Variants in DSE observed in about 807,000 individuals in gnomAD.
DSE encodes dermatan-sulfate epimerase.
In DSE, 36 loss-of-function variants were observed where a neutral mutation model predicts 84.4. The observed-to-expected ratio is 0.43, with a 90% CI of 0.33 to 0.56. The LOEUF is 0.56. DSE is among the 20% of genes least tolerant of loss of function. The probability of loss-of-function intolerance (pLI) is 0.06; values close to 1 mark genes in which losing one functional copy is unlikely to be tolerated. For synonymous variants in DSE, 410 were observed against 430.1 expected (o/e 0.95, Z 0.58); for missense variants, 862 against 1,169.6 (o/e 0.74, Z 3.84).
chr6:116,278,472 A>G, intron 2 of DSE: 1 of 1,612,480 alleles, frequency 6.2e-7, no homozygotes, highest in South Asian at 1.1e-5. Flanking sequence ...GGTCCAGCAG[A>G]AGGTGGTAGG....
intron 2 of DSE, among the ~76,000 whole-genome samples, chr6:116,269,696 A>T (rs545901841): frequency 1.3e-5 from 2 of 152,294 alleles, no homozygotes; most frequent in South Asian, 4.1e-4. Flanking sequence ...GCTTTACCAC[A>T]TTCTTCCACA....
intron 2 of DSE, chr6:116,277,760 G>A (rs1190500374): frequency 6.6e-6 from 1 of 151,968 alleles, no homozygotes; most frequent in African/African-American, 2.4e-5. Context: ...AAATTAGCCG[G>A]GCGTGGCGGC....
rs144183805 is a variant in DSE at position 116,330,201 on chromosome 6, T to C, written c.-53-68997T>C. ...TAAAATATATACTTTATTAATTTATTATTAGCATGATTACATAGTCAAAAT... is the reference window on the plus strand; with the variant it reads ...TAAAATATATACTTTATTAATTTATCATTAGCATGATTACATAGTCAAAAT... On this transcript the variant is annotated intron_variant, in intron 2 of 3. Transcript: ENST00000430252. Among the ~76,000 whole-genome samples, 397 of 152,368 alleles carry C rather than the reference T, an allele frequency of 2.6e-3. 2 individuals carry two copies. The highest frequency in any genetic ancestry group is 0.01 in the Middle Eastern group (3 of 294).
chr6:116,345,473 A>C (rs1048025606), intron 2 of DSE, among the ~76,000 whole-genome samples: 7 of 152,250 alleles, frequency 4.6e-5, no homozygotes, highest in Non-Finnish European at 7.3e-5. Context: ...CTCACTTAAA[A>C]CTGCTCAACT....
intron 2 of DSE, among the ~76,000 whole-genome samples, chr6:116,309,998 A>G (rs2114728273): frequency 6.6e-6 from 1 of 152,350 alleles, no homozygotes; most frequent in Non-Finnish European, 1.5e-5. Context: ...CACATAAGGA[A>G]CATTCAAAAT....
Position 116,436,544 on chromosome 6 carries a change from T to G in DSE, c.2076T>G (p.His692Gln). ...QLDVFIATSK[H>Q]AYATYLWTGE... ...ATGTGTTCATAGCCACCAGCAAACA[T>G]GCCTACGCCACATACCTGTGGACAG... The change falls in exon 6 of 6, where the codon CAT becomes CAG. Residue 692 changes from histidine to glutamine, a missense_variant. His to Gln is a conservative substitution (Grantham distance 24). Coordinates refer to ENST00000644252, the MANE Select transcript of DSE (RefSeq NM_013352.4). The G allele has an allele frequency of 6.2e-7, 1 of 1,614,116 alleles. No individual in the cohort carries two copies. Among genetic ancestry groups the G allele is most frequent in the Middle Eastern group, 1.6e-4 (1 of 6,062 alleles).
chr6:116,312,445 A>G (rs1359341064), intron 2 of DSE, among the ~76,000 whole-genome samples: 1 of 152,220 alleles, frequency 6.6e-6, no homozygotes, highest in African/African-American at 2.4e-5. Context: ...CTTGAAGAAC[A>G]GAAGGGATTT....
upstream of DSE, among the ~76,000 whole-genome samples, chr6:116,369,203 A>G (rs1779358980): frequency 6.6e-6 from 1 of 152,218 alleles, no homozygotes; most frequent in African/African-American, 2.4e-5. Flanking sequence ...AGAATTTATT[A>G]TAGCTCCCCT....
At chr6:116,258,349 C>G (rs1772234637) in intron 1 of DSE, 1 of 583,482 alleles carries the variant, frequency 1.7e-6, no homozygotes, top group Non-Finnish European at 3.1e-6. Flanking sequence ...TTTATAACTC[C>G]CTTTTCCTTT....
At chr6:116,272,913 A>G (rs2114617308) in intron 2 of DSE, among the ~76,000 whole-genome samples, 1 of 152,224 alleles carries the variant, frequency 6.6e-6, no homozygotes, top group East Asian at 1.9e-4. Flanking sequence ...CCTCTATATT[A>G]TAACTATATT....
chr6:116,435,887 C>T lies in DSE; in HGVS notation c.1419C>T (p.Tyr473=), dbSNP rs374010235. ...TGCCTTTCATTACTGAGGCTCTGTACGGGCCAAAGTACACCTTCTTCAACA... is the reference window on the plus strand; with the variant it reads ...TGCCTTTCATTACTGAGGCTCTGTATGGGCCAAAGTACACCTTCTTCAACA... ...NGVPFITEAL[Y]GPKYTFFNNV... The change falls in exon 6 of 6, where the codon TAC becomes TAT. Residue 473 remains tyrosine, a synonymous_variant. Transcript: ENST00000644252. 6.9e-5 allele frequency: 112 copies of T among 1,614,126 alleles called. No homozygotes were observed. Among genetic ancestry groups the T allele is most frequent in the Middle Eastern group, 1.6e-4 (1 of 6,062 alleles).
At chr6:116,328,341 T>G (rs1776748219) in intron 2 of DSE, among the ~76,000 whole-genome samples, 1 of 152,238 alleles carries the variant, frequency 6.6e-6, no homozygotes, top group South Asian at 2.1e-4. Flanking sequence ...GTTACACTCT[T>G]TTGAGATTCA....
chr6:116,279,032 G>A (rs377696582), intron 2 of DSE: 2 of 1,613,508 alleles, frequency 1.2e-6, no homozygotes, highest in East Asian at 2.2e-5. Flanking sequence ...TAGTTCCTCC[G>A]CTCCAGGTAG....
chr6:116,425,154 A>G (rs1163293540), intron 2 of DSE, among the ~76,000 whole-genome samples: 3 of 152,246 alleles, frequency 2.0e-5, no homozygotes, highest in Non-Finnish European at 4.4e-5. Flanking sequence ...TTGGTATTTC[A>G]TGCCTTAATT....
chr6:116,352,292 G>GGT (rs1344394228), intron 2 of DSE, among the ~76,000 whole-genome samples: 1 of 152,174 alleles, frequency 6.6e-6, no homozygotes, highest in African/African-American at 2.4e-5. Flanking sequence ...AGTCCTTTCA[G>GGT]ACCTTAACTT....
At chr6:116,409,254 A>G (rs753190072) in intron 2 of DSE, among the ~76,000 whole-genome samples, 8 of 152,162 alleles carry the variant, frequency 5.3e-5, no homozygotes, top group Non-Finnish European at 7.4e-5. Context: ...TTCACTTTAT[A>G]TAAGTTTACT....
intron 2 of DSE, among the ~76,000 whole-genome samples, chr6:116,349,756 C>T (rs145935501): frequency 1.1e-4 from 16 of 152,286 alleles, no homozygotes; most frequent in African/African-American, 3.6e-4. Flanking sequence ...GAAGGGAGGG[C>T]AGATATGTGA....
chr6:116,303,264 CT>C (rs1219806468), intron 2 of DSE, among the ~76,000 whole-genome samples: 1 of 152,134 alleles, frequency 6.6e-6, no homozygotes, highest in African/African-American at 2.4e-5. Flanking sequence ...TCAAAAGTCA[CT>C]TCCTTCAGGA....
At position 116,442,464 on chromosome 6, in the gene DSE, G is replaced by C. The variant is rs1448009536; in HGVS notation, c.*5119G>C. 1 of 152,190 alleles carries C rather than the reference G, an allele frequency of 6.6e-6. No individual in the cohort carries two copies. The highest frequency in any genetic ancestry group is 1.5e-5 in the Non-Finnish European group (1 of 68,054). The allele number at this position is 152,190 out of a possible 1,614,324, so 9.4% of individuals were successfully genotyped here. A position where few individuals can be genotyped will look rare whatever the true frequency, so the allele number is the denominator to read the frequency against. ...AATCCAGGGGCAGGCTGTGGCTGAA[G>C]ATGTAATTGTTGGTGCCTTCTTAAA... is the stretch of plus-strand genomic sequence containing the variant. On this transcript the variant is annotated 3_prime_UTR_variant, in exon 6 of 6. Transcript: ENST00000644252.
Sources: allele counts gnomAD v4.1 joint callset (sites outside exome capture counted in the v4.1 genomes callset), GRCh38; gene constraint gnomAD v4.1.1; transcripts MANE v1.5; gene names NCBI Gene and HGNC (gene_info 2026-07-23, HGNC 2026-07-21).